MAN1A2: variants seen among roughly 807,000 people sequenced by gnomAD.
MAN1A2 encodes the protein mannosidase alpha class 1A member 2, also known as mannosyl-oligosaccharide 1,2-alpha-mannosidase IB.
Under a neutral mutation model 75.7 loss-of-function variants are expected in MAN1A2, and 26 were observed. That is an observed-to-expected ratio of 0.34 (90% CI 0.25 to 0.48). MAN1A2 has a LOEUF of 0.48. Among genes scored for constraint, MAN1A2 ranks in the 20% least tolerant of loss-of-function variants. MAN1A2 has a pLI of 0.99. For synonymous variants in MAN1A2, 247 were observed against 264.6 expected, an observed-to-expected ratio of 0.93 and a Z score of 0.65; for missense variants, 562 against 775.5, an observed-to-expected ratio of 0.72 and a Z score of 3.27.
At chr1:117,383,839 T>C (rs1032075500) in intron 1 of MAN1A2, among the ~76,000 whole-genome samples, 3 of 152,148 alleles carry the variant, frequency 2.0e-5, no homozygotes, top group Non-Finnish European at 4.4e-5. Flanking sequence ...CACTGCAACC[T>C]TGTACTCCTG....
intron 7 of MAN1A2, among the ~76,000 whole-genome samples, chr1:117,464,217 G>C (rs1373768142): frequency 6.6e-6 from 1 of 151,858 alleles, no homozygotes; most frequent in Non-Finnish European, 1.5e-5. Context: ...AATTAGCCAT[G>C]TGTGGTGGGG....
intron 8 of MAN1A2, among the ~76,000 whole-genome samples, chr1:117,486,224 G>A (rs537791761): frequency 3.3e-5 from 5 of 152,022 alleles, no homozygotes; most frequent in South Asian, 4.2e-4. Flanking sequence ...CATAGTACTT[G>A]GGAGAGGGTA....
At chr1:117,446,968 C>T (rs1010663382) in intron 6 of MAN1A2, among the ~76,000 whole-genome samples, 2 of 152,082 alleles carry the variant, frequency 1.3e-5, no homozygotes, top group Admixed American at 6.5e-5. Flanking sequence ...AGTACTTACA[C>T]GTTTATTATA....
At chr1:117,421,263 T>C (rs1648179139) in intron 5 of MAN1A2, among the ~76,000 whole-genome samples, 2 of 152,104 alleles carry the variant, frequency 1.3e-5, no homozygotes, top group Admixed American at 6.6e-5. Context: ...TATTTGTTTT[T>C]TGAGCAACTG....
intron 1 of MAN1A2, among the ~76,000 whole-genome samples, chr1:117,398,010 T>C (rs966689581): frequency 3.3e-5 from 5 of 152,166 alleles, no homozygotes; most frequent in African/African-American, 1.2e-4. Flanking sequence ...GTATATCATA[T>C]TTACTTCAGA....
intron 8 of MAN1A2, among the ~76,000 whole-genome samples, chr1:117,475,814 G>T (rs1044380979): frequency 2.0e-5 from 3 of 152,048 alleles, no homozygotes; most frequent in Admixed American, 6.6e-5. Flanking sequence ...GAACAGTGCT[G>T]CAGTAAACAT....
At chr1:117,420,790 C>G (rs1022460250) in intron 5 of MAN1A2, 141 bp downstream of exon 5, 1 of 616,990 alleles carries the variant, frequency 1.6e-6, no homozygotes, top group Admixed American at 3.1e-5. Flanking sequence ...TCAGGCAGAA[C>G]TATTCCTTGG....
At chr1:117,435,691 A>G (rs1648824672) in intron 5 of MAN1A2, among the ~76,000 whole-genome samples, 1 of 152,198 alleles carries the variant, frequency 6.6e-6, no homozygotes, top group Non-Finnish European at 1.5e-5. Flanking sequence ...AGATAGAGGA[A>G]CTGTTTATGA....
chr1:117,458,523 A>ATTTTTTTTTTTTTTTTTTTTTTTTTTT (rs5777311), intron 6 of MAN1A2, among the ~76,000 whole-genome samples: 2 of 105,608 alleles, frequency 1.9e-5, no homozygotes, highest in Non-Finnish European at 4.0e-5. Flanking sequence ...ATATATATAT[A>ATTTTTTTTTTTTTTTTTTTTTTTTTTT]TTTTTTTTTT....
In MAN1A2 at chr1:117,506,077, C is replaced by T. The variant is rs1015376286; in HGVS notation, c.1793+3107C>T. ...TCTGTGAAGATCTAAATTAATGTAG[C>T]TGTAGTTTTATTGTAAAAATAGAGC... is the stretch of plus-strand genomic sequence containing the variant. On this transcript the variant is annotated intron_variant, in intron 12 of 12. Transcript: ENST00000356554. Among the ~76,000 whole-genome samples the T allele has an allele frequency of 9.3e-5, 14 of 151,332 alleles. 1 individual carries two copies. Among genetic ancestry groups the T allele is most frequent in the Admixed American group, 6.6e-5 (1 of 15,124 alleles).
At chr1:117,409,532 T>C (rs1193993181) in intron 3 of MAN1A2, among the ~76,000 whole-genome samples, 2 of 149,740 alleles carry the variant, frequency 1.3e-5, no homozygotes, top group Non-Finnish European at 3.0e-5. Flanking sequence ...ATGGTATGTG[T>C]ATATTCTGCT....
At chr1:117,428,662 A>G (rs1648463960) in intron 5 of MAN1A2, among the ~76,000 whole-genome samples, 4 of 152,290 alleles carry the variant, frequency 2.6e-5, no homozygotes, top group Non-Finnish European at 4.4e-5. Flanking sequence ...GTTGAAAGTA[A>G]ATGAATGGGA....
intron 8 of MAN1A2, among the ~76,000 whole-genome samples, chr1:117,478,392 G>A (rs1269645010): frequency 2.0e-5 from 3 of 151,886 alleles, no homozygotes; most frequent in Admixed American, 6.6e-5. Flanking sequence ...TCTTAATAGT[G>A]TTGAAAAGCA....
At chr1:117,428,385 G>T (rs1648450373) in intron 5 of MAN1A2, among the ~76,000 whole-genome samples, 1 of 151,842 alleles carries the variant, frequency 6.6e-6, no homozygotes, top group Admixed American at 6.6e-5. Context: ...AAAGTGCTGG[G>T]ATTACAAATG....
At chr1:117,431,369 G>A (rs1648653859) in intron 5 of MAN1A2, among the ~76,000 whole-genome samples, 1 of 152,052 alleles carries the variant, frequency 6.6e-6, no homozygotes, top group Non-Finnish European at 1.5e-5. Flanking sequence ...ATTAAAAGGA[G>A]ATTCCTTTTT....
At chr1:117,479,889 T>C (rs1316983441) in intron 8 of MAN1A2, among the ~76,000 whole-genome samples, 1 of 151,934 alleles carries the variant, frequency 6.6e-6, no homozygotes. Flanking sequence ...GTTAAGTTAC[T>C]TGGAAATAAT....
At chr1:117,517,167 A>G (rs1340291909) in intron 12 of MAN1A2, among the ~76,000 whole-genome samples, 1 of 152,166 alleles carries the variant, frequency 6.6e-6, no homozygotes, top group African/African-American at 2.4e-5. Context: ...AAAGGATCAG[A>G]CTGTTTCTAA....
At chr1:117,385,935 G>T (rs1422278845) in intron 1 of MAN1A2, among the ~76,000 whole-genome samples, 1 of 152,208 alleles carries the variant, frequency 6.6e-6, no homozygotes, top group Non-Finnish European at 1.5e-5. Flanking sequence ...TCTGGATACT[G>T]GATGTGTCTG....
intron 1 of MAN1A2, among the ~76,000 whole-genome samples, chr1:117,375,979 T>C (rs1410687946): frequency 3.3e-5 from 5 of 151,456 alleles, no homozygotes; most frequent in Non-Finnish European, 7.4e-5. Flanking sequence ...TGGCGCGATC[T>C]CGGCTCACTG....
Sources: allele counts gnomAD v4.1 joint callset (sites outside exome capture counted in the v4.1 genomes callset), GRCh38; gene constraint gnomAD v4.1.1; transcripts MANE v1.5; gene names NCBI Gene and HGNC (gene_info 2026-07-23, HGNC 2026-07-21).